ZKSCAN1: variants seen among roughly 807,000 people sequenced by gnomAD.
ZKSCAN1 encodes the protein zinc finger with KRAB and SCAN domains 1, also known as zinc finger protein with KRAB and SCAN domains 1.
ZKSCAN1 carries 14 observed loss-of-function variants against 51.6 expected under a neutral mutation model. The ratio of observed to expected loss-of-function variants is 0.27; its 90% CI spans 0.18 to 0.42. ZKSCAN1 has a LOEUF of 0.42. Among genes scored for constraint, ZKSCAN1 ranks in the 10% least tolerant of loss-of-function variants. The pLI, the probability that ZKSCAN1 is intolerant of heterozygous loss-of-function variation, is 1.00. For missense variants in ZKSCAN1, 531 were observed against 710.0 expected (o/e 0.75, Z 2.86); for synonymous variants, 263 against 261.5 (o/e 1.01, Z -0.06).
In ZKSCAN1 at chr7:100,039,871, G is replaced by A; in HGVS notation, c.*5674G>A. ...AATATAGAATCAGAGAAAAAGAAAA[G>A]TCAGTGATATAAATAGATCATTTCA... is the stretch of plus-strand genomic sequence containing the variant. On this transcript the variant is annotated 3_prime_UTR_variant, in exon 6 of 6. Coordinates refer to ENST00000324306, the MANE Select transcript of ZKSCAN1 (RefSeq NM_003439.4). The A allele has an allele frequency of 1.0e-6, 1 of 985,066 alleles. No individual in the cohort carries two copies. 61.0% of individuals were successfully genotyped at this position (985,066 alleles called of 1,614,324 possible).
intron 3 of ZKSCAN1, among the ~76,000 whole-genome samples, chr7:100,026,230 C>CAA (rs58408632): frequency 1.0e-3 from 49 of 47,234 alleles, no homozygotes; most frequent in African/African-American, 1.3e-3. Flanking sequence ...AAACTCATCT[C>CAA]AAAAAAAAAA....
rs903647020 is a variant in ZKSCAN1 at position 100,037,547 on chromosome 7, C to T, written c.*3350C>T. ...AGGAGCCTCCTGAATGTGATGAATA[C>T]GGCAAAGCCTTTAATCACATCTCAG... On this transcript the variant is annotated 3_prime_UTR_variant, in exon 6 of 6. Transcript: ENST00000324306. 16 of 985,330 alleles carry T rather than the reference C, an allele frequency of 1.6e-5. No individual in the cohort carries two copies. The highest frequency in any genetic ancestry group is 1.4e-4 in the South Asian group (3 of 21,292). The allele number at this position is 985,330 out of a possible 1,614,324, so 61.0% of individuals were successfully genotyped here. A position where few individuals can be genotyped will look rare whatever the true frequency, so the allele number is the denominator to read the frequency against.
chr7:100,029,919 G>A lies in ZKSCAN1; in HGVS notation c.639G>A (p.Ala213=), dbSNP rs375809840. 34 of 1,613,998 alleles carry A rather than the reference G, an allele frequency of 2.1e-5. No individual in the cohort carries two copies. The highest frequency in any genetic ancestry group is 2.7e-5 in the African/African-American group (2 of 74,902). ...ATGAGGGTAGTCCCAGAGACCAGGCGATGGCATCTGCACTATTCACAGCGG... is the reference window on the plus strand; with the variant it reads ...ATGAGGGTAGTCCCAGAGACCAGGCAATGGCATCTGCACTATTCACAGCGG... ...PPHEGSPRDQ[A]MASALFTADS... The change falls in exon 4 of 6, where the codon GCG becomes GCA. Residue 213 remains alanine, a synonymous_variant. Coordinates refer to ENST00000324306, the MANE Select transcript of ZKSCAN1 (RefSeq NM_003439.4).
intron 5 of ZKSCAN1, 80 bp downstream of exon 5, chr7:100,030,455 A>C: frequency 6.6e-7 from 1 of 1,515,798 alleles, no homozygotes; most frequent in East Asian, 2.4e-5. Context: ...TGATGTGTTC[A>C]ATTGAGTGTT....
At position 100,036,031 on chromosome 7, in the gene ZKSCAN1, A is replaced by G. The variant is rs1791348345; in HGVS notation, c.*1834A>G. 1.0e-6 allele frequency: 1 copy of G among 985,456 alleles called. No individual in the cohort carries two copies. Among genetic ancestry groups the G allele is most frequent in the African/African-American group, 1.7e-5 (1 of 57,368 alleles). 61.0% of individuals were successfully genotyped at this position (985,456 alleles called of 1,614,324 possible). A position where few individuals can be genotyped will look rare whatever the true frequency, so the allele number is the denominator to read the frequency against. On this transcript the variant is annotated 3_prime_UTR_variant, in exon 6 of 6. Coordinates refer to ENST00000324306, the MANE Select transcript of ZKSCAN1 (RefSeq NM_003439.4). The stretch of plus-strand genomic sequence containing the variant: ...TGAGACTTTCCCTTGAGAAACTTAT[A>G]CTAAAACTATTACTCATCAGTCATT...
At position 100,038,543 on chromosome 7, in the gene ZKSCAN1, G is replaced by T. The variant is rs1791460524; in HGVS notation, c.*4346G>T. On this transcript the variant is annotated 3_prime_UTR_variant, in exon 6 of 6. Transcript: ENST00000324306. ...CTCTGAGCTGTCAGGTGACCACTGT[G>T]TGCAAAGGGGATGGATTCTCTTGTC... The T allele has an allele frequency of 1.2e-5, 12 of 985,364 alleles. No homozygotes were observed. In the South Asian group the frequency reaches 4.7e-4, roughly 39 times the overall value. 61.0% of individuals were successfully genotyped at this position (985,364 alleles called of 1,614,324 possible). A position where few individuals can be genotyped will look rare whatever the true frequency, so the allele number is the denominator to read the frequency against.
At position 100,039,407 on chromosome 7, in the gene ZKSCAN1, T is replaced by G; in HGVS notation, c.*5210T>G. 1.0e-6 allele frequency: 1 copy of G among 985,374 alleles called. No homozygotes were observed. The allele number at this position is 985,374 out of a possible 1,614,324, so 61.0% of individuals were successfully genotyped here. A position where few individuals can be genotyped will look rare whatever the true frequency, so the allele number is the denominator to read the frequency against. ...AATTGTGTGCAGATGCATCCAGTCG[T>G]GGCATTGCAAGAAGTCTGTCTGATG... On this transcript the variant is annotated 3_prime_UTR_variant, in exon 6 of 6. Coordinates refer to ENST00000324306, the MANE Select transcript of ZKSCAN1 (RefSeq NM_003439.4).
At chr7:100,042,737 C>CGT (rs34820993), downstream of ZKSCAN1, among the ~76,000 whole-genome samples, 18,746 of 144,596 alleles carry the variant, frequency 0.13, 1,361 homozygotes, top group African/African-American at 0.21. Flanking sequence ...TATAGATACA[C>CGT]GTGTGTGTGT....
At chr7:100,022,123 C>T (rs1382761862) in intron 1 of ZKSCAN1, among the ~76,000 whole-genome samples, 1 of 152,190 alleles carries the variant, frequency 6.6e-6, no homozygotes, top group Non-Finnish European at 1.5e-5. Context: ...GGCGCGATCT[C>T]GGCTCACTGC....
chr7:100,038,759 A>G lies in ZKSCAN1; in HGVS notation c.*4562A>G. The G allele has an allele frequency of 1.0e-6, 1 of 979,392 alleles. No individual in the cohort carries two copies. Among genetic ancestry groups the G allele is most frequent in the Non-Finnish European group, 1.2e-6 (1 of 824,598 alleles). The allele number at this position is 979,392 out of a possible 1,614,324, so 60.7% of individuals were successfully genotyped here. ...GCCTGTAATCCCAGCACTTTGGGAG[A>G]CCAAGGCGGGTGGATCACAAGGTCA... On this transcript the variant is annotated 3_prime_UTR_variant, in exon 6 of 6. Coordinates refer to ENST00000324306, the MANE Select transcript of ZKSCAN1 (RefSeq NM_003439.4).
downstream of ZKSCAN1, among the ~76,000 whole-genome samples, chr7:100,043,458 CA>C (rs1195248506): frequency 6.7e-6 from 1 of 150,164 alleles, no homozygotes; most frequent in African/African-American, 2.4e-5. Context: ...TGGCTCACTG[CA>C]ACCTCAACCT....
downstream of ZKSCAN1, chr7:100,044,705 AGTAGCACTG>A: frequency 1.6e-6 from 1 of 641,434 alleles, no homozygotes; most frequent in Non-Finnish European, 1.9e-6. Context: ...AAAAAAAAAA[AGTAGCACTG>A]AATAATTTTT....
In ZKSCAN1 at chr7:100,029,768, A is replaced by G. The variant is rs566583165; in HGVS notation, c.581-93A>G. ...GGGACCTAAACACTGAACAGTGAAC[A>G]TGCTGGTGCAGGAAGGAACATGCCC... On this transcript the variant is annotated intron_variant, in intron 3 of 5. Transcript: ENST00000324306. The G allele has an allele frequency of 2.4e-5, 28 of 1,191,214 alleles. No homozygotes were observed. In the African/African-American group the frequency reaches 3.5e-4, roughly 15 times the overall value. The allele number at this position is 1,191,214 out of a possible 1,614,324, so 73.8% of individuals were successfully genotyped here.
At chr7:100,025,687 G>C (rs924596375) in intron 3 of ZKSCAN1, among the ~76,000 whole-genome samples, 1 of 152,172 alleles carries the variant, frequency 6.6e-6, no homozygotes, top group Non-Finnish European at 1.5e-5. Flanking sequence ...CCACACCTAC[G>C]CTACAAAGCT....
chr7:100,033,958 G>C lies in ZKSCAN1; in HGVS notation c.1453G>C (p.Gly485Arg). The C allele has an allele frequency of 6.2e-7, 1 of 1,614,136 alleles. No homozygotes were observed. The highest frequency in any genetic ancestry group is 8.5e-7 in the Non-Finnish European group (1 of 1,180,018). The change falls in exon 6 of 6, where the codon GGG becomes CGG. Residue 485 changes from glycine to arginine, a missense_variant. Physicochemically the swap from Gly to Arg is moderately radical, Grantham distance 125. Around this residue, in one of 2 missense-constraint regions of ZKSCAN1, gnomAD observed 128 missense variants for 219.5 expected, o/e 0.58. Coordinates refer to ENST00000324306, the MANE Select transcript of ZKSCAN1 (RefSeq NM_003439.4). The surrounding 1 kb of genome is among the most constrained non-coding windows in gnomAD (Gnocchi z 4.1). ...DLTKHQRIHT[G>R]EKPYECSECG... ...CACCAAGCATCAGAGAATTCACACG[G>C]GGGAGAAACCCTATGAATGTAGTGA...
chr7:100,043,516 G>A (rs1030715193), downstream of ZKSCAN1, among the ~76,000 whole-genome samples: 2 of 151,602 alleles, frequency 1.3e-5, no homozygotes, highest in African/African-American at 4.8e-5. Context: ...TGGGACTACA[G>A]GCATGCATCA....
chr7:100,017,363 C>T (rs1191416430), intron 1 of ZKSCAN1, among the ~76,000 whole-genome samples: 2 of 152,188 alleles, frequency 1.3e-5, no homozygotes, highest in African/African-American at 4.8e-5. Context: ...GCTGGGACTA[C>T]AGGCATGTGT....
intron 1 of ZKSCAN1, among the ~76,000 whole-genome samples, chr7:100,018,043 C>G (rs1439836005): frequency 6.6e-6 from 1 of 152,202 alleles, no homozygotes; most frequent in Non-Finnish European, 1.5e-5. Flanking sequence ...TTAATCCTCA[C>G]GGCAACTCTA....
At chr7:100,025,249 G>A (rs914796318) in intron 3 of ZKSCAN1, among the ~76,000 whole-genome samples, 1 of 150,470 alleles carries the variant, frequency 6.6e-6, no homozygotes, top group Non-Finnish European at 1.5e-5. Flanking sequence ...CTTTTTTAAA[G>A]GTCCATTTTA....
Sources: gnomAD v4.1 joint callset for allele counts (sites outside exome capture counted in the v4.1 genomes callset) on GRCh38, gnomAD v4.1.1 for gene constraint, gnomAD v4.1.1 regional missense constraint, Gnocchi (gnomAD v3.1) non-coding constraint, MANE v1.5 for transcripts, NCBI Gene and HGNC (gene_info 2026-07-23, HGNC 2026-07-21) for gene names.